The following SORBS2 variants were observed in gnomAD, a reference collection of about 807,000 sequenced individuals.
SORBS2 encodes sorbin and SH3 domain-containing protein 2.
Under a neutral mutation model 97.7 loss-of-function variants are expected in SORBS2, and 46 were observed. The observed-to-expected ratio is 0.47, with a 90% CI of 0.37 to 0.60. SORBS2 has a LOEUF of 0.60. SORBS2 is among the 20% of genes least tolerant of loss of function. The pLI, the probability that SORBS2 is intolerant of heterozygous loss-of-function variation, is 0.00. For synonymous variants in SORBS2, 476 were observed against 473.4 expected (o/e 1.01, Z -0.07); for missense variants, 1,316 against 1,282.3 (o/e 1.03, Z -0.40).
rs975090548 is a variant in SORBS2, at chr4:185,892,101, T to A, written c.-338+64095A>T. Among the ~76,000 whole-genome samples, 7 of 152,294 alleles carry A rather than the reference T, an allele frequency of 4.6e-5. 1 individual carries two copies. Among genetic ancestry groups the A allele is most frequent in the African/African-American group, 1.7e-4 (7 of 41,558 alleles). ...GCCTGCCTCGGTCTCCCAAAGTATT[T>A]TTCCATTTTATATAAAATGTTAGAT... On this transcript the variant is annotated intron_variant, in intron 1 of 20. Coordinates refer to the SORBS2 transcript ENST00000284776.
At chr4:185,753,922 C>T (rs2098815749) in intron 2 of SORBS2, among the ~76,000 whole-genome samples, 1 of 152,162 alleles carries the variant, frequency 6.6e-6, no homozygotes, top group East Asian at 1.9e-4. Context: ...ACAGAACTAT[C>T]ATTGACCCAG....
chr4:185,834,298 G>A (rs1191212679), intron 1 of SORBS2, among the ~76,000 whole-genome samples: 1 of 152,052 alleles, frequency 6.6e-6, no homozygotes, highest in East Asian at 1.9e-4. Flanking sequence ...CCTCCCACCA[G>A]GCTCCACCTC....
chr4:185,711,355 A>G (rs1481753329), intron 2 of SORBS2, among the ~76,000 whole-genome samples: 1 of 152,184 alleles, frequency 6.6e-6, no homozygotes, highest in Non-Finnish European at 1.5e-5. Flanking sequence ...ATTAAACAAG[A>G]TAGTAATTGT....
chr4:185,841,291 A>G lies in SORBS2; in HGVS notation c.-337-65925T>C, dbSNP rs187034896. On this transcript the variant is annotated intron_variant, in intron 1 of 20. Transcript: ENST00000284776. ...GCACAACAGTTAGTTGTTGCCAAAAACAATGAGGGCCTAAGTGGAGGCAAA... is the reference window on the plus strand; with the variant it reads ...GCACAACAGTTAGTTGTTGCCAAAAGCAATGAGGGCCTAAGTGGAGGCAAA... 7.2e-5 allele frequency among the ~76,000 whole-genome samples: 11 copies of G among 152,266 alleles called. No individual in the cohort carries two copies. The East Asian group carries it at 2.1e-3, about 29-fold the overall frequency.
intron 1 of SORBS2, among the ~76,000 whole-genome samples, chr4:185,798,794 C>T (rs1221304089): frequency 6.6e-6 from 1 of 152,150 alleles, no homozygotes; most frequent in African/African-American, 2.4e-5. Context: ...CACTGCCTAC[C>T]AGTGTTTCCA....
chr4:185,925,627 ATG>A (rs1376153511), intron 1 of SORBS2, among the ~76,000 whole-genome samples: 6 of 152,194 alleles, frequency 3.9e-5, no homozygotes, highest in Non-Finnish European at 7.3e-5. Flanking sequence ...TGACTGTTAA[ATG>A]TCAGACATTA....
chr4:185,649,326 T>A (rs2097269874), intron 3 of SORBS2, 141 bp downstream of exon 12: 2 of 611,606 alleles, frequency 3.3e-6, no homozygotes, highest in Admixed American at 4.1e-5. Context: ...GCAGAGGAGG[T>A]CAATATGGTA....
chr4:185,866,188 C>T (rs935184303), intron 1 of SORBS2, among the ~76,000 whole-genome samples: 24 of 152,092 alleles, frequency 1.6e-4, no homozygotes, highest in Non-Finnish European at 2.6e-4. Context: ...AAGGAGTGGC[C>T]GGGGTTGCTA....
intron 1 of SORBS2, among the ~76,000 whole-genome samples, chr4:185,861,925 G>A (rs960530086): frequency 6.6e-6 from 1 of 152,128 alleles, no homozygotes; most frequent in Non-Finnish European, 1.5e-5. Flanking sequence ...ACAACACTTT[G>A]CCTGCTGTGT....
At chr4:185,876,221 C>A (rs1168888532) in intron 1 of SORBS2, among the ~76,000 whole-genome samples, 1 of 152,166 alleles carries the variant, frequency 6.6e-6, no homozygotes, top group Admixed American at 6.5e-5. Context: ...GATTTTCCTG[C>A]CTCAGCCTCC....
At chr4:185,932,598 G>A (rs532074208) in intron 1 of SORBS2, among the ~76,000 whole-genome samples, 2 of 152,298 alleles carry the variant, frequency 1.3e-5, no homozygotes, top group East Asian at 1.9e-4. Context: ...AAGATTTTAT[G>A]AGAAAATATG....
At chr4:185,731,583 TCTCC>T (rs2098630228) in intron 2 of SORBS2, among the ~76,000 whole-genome samples, 1 of 93,650 alleles carries the variant, frequency 1.1e-5, no homozygotes, top group Non-Finnish European at 2.1e-5. Context: ...TCCTTCCCTC[TCTCC>T]CTCCCTCCCT....
chr4:185,754,606 T>C (rs969346873), intron 2 of SORBS2, among the ~76,000 whole-genome samples: 3 of 152,206 alleles, frequency 2.0e-5, no homozygotes, highest in African/African-American at 7.2e-5. Context: ...TCCAACTGTG[T>C]ACAGTCGGCC....
intron 1 of SORBS2, among the ~76,000 whole-genome samples, chr4:185,911,704 G>A (rs2099255199): frequency 1.3e-5 from 2 of 152,132 alleles, no homozygotes; most frequent in African/African-American, 4.8e-5. Flanking sequence ...CTGCCTGCAG[G>A]GGCTTAATAT....
At chr4:185,634,913 T>C (rs1348321480) in intron 4 of SORBS2, among the ~76,000 whole-genome samples, 1 of 152,042 alleles carries the variant, frequency 6.6e-6, no homozygotes, top group Non-Finnish European at 1.5e-5. Flanking sequence ...TTTAGGAAAA[T>C]GAAAGAACAA....
chr4:185,635,343 A>G lies in SORBS2; in HGVS notation c.397-4745T>C, dbSNP rs1234716818. 6.3e-7 allele frequency: 1 copy of G among 1,591,138 alleles called. No individual in the cohort carries two copies. On this transcript the variant is annotated intron_variant, in intron 4 of 14. Transcript: ENST00000418609. The stretch of plus-strand genomic sequence containing the variant: ...GGAGATATCTGAAAAAGAGAGAATA[A>G]CGTGTTTTTACCTCATTGAAAACAC...
intron 12 of SORBS2, among the ~76,000 whole-genome samples, chr4:185,599,892 G>A (rs1047081381): frequency 1.4e-5 from 2 of 144,060 alleles, no homozygotes; most frequent in African/African-American, 5.4e-5. Context: ...GCCAGCCCTG[G>A]GGGCGGGGGA....
chr4:185,954,265 G>A (rs965301766), intron 1 of SORBS2, among the ~76,000 whole-genome samples: 3 of 152,028 alleles, frequency 2.0e-5, no homozygotes, highest in African/African-American at 7.2e-5. Flanking sequence ...CTTCTCAAAA[G>A]CAATGCCTTT....
intron 2 of SORBS2, chr4:185,757,235 G>A (rs1203216240): frequency 3.5e-6 from 1 of 282,458 alleles, no homozygotes; most frequent in East Asian, 8.1e-5. Flanking sequence ...GATGTTGCAA[G>A]CCCCTCCAAG....
Sources: allele counts gnomAD v4.1 joint callset (sites outside exome capture counted in the v4.1 genomes callset), GRCh38; gene constraint gnomAD v4.1.1; transcripts MANE v1.5; gene names NCBI Gene and HGNC (gene_info 2026-07-23, HGNC 2026-07-21).